ARFGEF2: variants seen among roughly 807,000 people sequenced by gnomAD.
ARFGEF2 encodes brefeldin A-inhibited guanine nucleotide-exchange protein 2.
Under a neutral mutation model 219.9 loss-of-function variants are expected in ARFGEF2, and 74 were observed. The ratio of observed to expected loss-of-function variants is 0.34; its 90% CI spans 0.28 to 0.41. The LOEUF is 0.41. ARFGEF2 is among the 10% of genes least tolerant of loss of function. ARFGEF2 has a pLI of 1.00. For synonymous variants in ARFGEF2, 733 were observed against 799.2 expected (o/e 0.92, Z 1.40); for missense variants, 1,743 against 2,218.3 (o/e 0.79, Z 4.30).
intron 1 of ARFGEF2, among the ~76,000 whole-genome samples, chr20:48,928,347 C>T (rs530775582): frequency 1.2e-3 from 168 of 145,126 alleles, no homozygotes; most frequent in Non-Finnish European, 2.2e-3. Context: ...TACAGGCGCC[C>T]GCTACCACGC....
intron 25 of ARFGEF2, among the ~76,000 whole-genome samples, chr20:49,001,509 C>T (rs557764379): frequency 9.2e-5 from 14 of 152,296 alleles, no homozygotes; most frequent in African/African-American, 3.4e-4. Context: ...ACATGATTCT[C>T]TTGAACTAGG....
At chr20:49,019,306 A>G (rs967694949) in intron 34 of ARFGEF2, among the ~76,000 whole-genome samples, 4 of 152,236 alleles carry the variant, frequency 2.6e-5, no homozygotes, top group Non-Finnish European at 5.9e-5. Flanking sequence ...ACACATACAT[A>G]TATAGTACAT....
intron 37 of ARFGEF2, among the ~76,000 whole-genome samples, chr20:49,029,943 T>C (rs1199323574): frequency 2.8e-5 from 4 of 142,660 alleles, no homozygotes; most frequent in Admixed American, 7.1e-5. Flanking sequence ...AGTCTTGCTC[T>C]GTCACTCAGG....
intron 16 of ARFGEF2, among the ~76,000 whole-genome samples, chr20:48,987,984 C>T (rs1331923886): frequency 6.6e-6 from 1 of 152,152 alleles, no homozygotes; most frequent in Non-Finnish European, 1.5e-5. Flanking sequence ...GATTGGGTTT[C>T]ACCATGTTGG....
At chr20:48,990,856 C>G (rs2091353536) in intron 20 of ARFGEF2, among the ~76,000 whole-genome samples, 184 bp from the exon 21 acceptor site, 1 of 152,156 alleles carries the variant, frequency 6.6e-6, no homozygotes, top group East Asian at 1.9e-4. Flanking sequence ...GCATAGATAC[C>G]TCTGCAAGAT....
chr20:48,921,777 C>G lies in ARFGEF2; in HGVS notation c.-113C>G, dbSNP rs912319402. On this transcript the variant is annotated 5_prime_UTR_variant, in exon 1 of 39. Coordinates refer to ENST00000371917, the MANE Select transcript of ARFGEF2 (RefSeq NM_006420.3). ...GCCGAGGTGTCGCTTCCTGACGGGGCGGCGCGGACGGACGCGGCCGGTGCC... is the reference window on the plus strand; with the variant it reads ...GCCGAGGTGTCGCTTCCTGACGGGGGGGCGCGGACGGACGCGGCCGGTGCC... 1.8e-6 allele frequency: 2 copies of G among 1,100,776 alleles called. No individual in the cohort carries two copies. The allele number at this position is 1,100,776 out of a possible 1,614,324, so 68.2% of individuals were successfully genotyped here. A position where few individuals can be genotyped will look rare whatever the true frequency, so the allele number is the denominator to read the frequency against.
At chr20:48,955,694 G>A (rs1199945353) in intron 6 of ARFGEF2, among the ~76,000 whole-genome samples, 1 of 152,198 alleles carries the variant, frequency 6.6e-6, no homozygotes, top group Non-Finnish European at 1.5e-5. Context: ...ACTTTCCCAG[G>A]AACATGGGAA....
At position 48,942,473 on chromosome 20, in the gene ARFGEF2, G is replaced by GTTT. The variant is rs58144046; in HGVS notation, c.276+511_276+513dup. ...TGGCTCAGCCTTTCTTTCTTACTTG[G>GTTT]TTTTTTTTTTTTTTTTTTTTTTTTT... On this transcript the variant is annotated intron_variant, in intron 3 of 38. Coordinates refer to ENST00000371917, the MANE Select transcript of ARFGEF2 (RefSeq NM_006420.3). Among the ~76,000 whole-genome samples, 17 of 73,496 alleles carry GTTT rather than the reference G, an allele frequency of 2.3e-4. 1 individual carries two copies. Among genetic ancestry groups the GTTT allele is most frequent in the Non-Finnish European group, 3.4e-4 (14 of 41,634 alleles). 48.2% of individuals were successfully genotyped at this position (73,496 alleles called of 152,430 possible). A position where few individuals can be genotyped will look rare whatever the true frequency, so the allele number is the denominator to read the frequency against.
intron 12 of ARFGEF2, among the ~76,000 whole-genome samples, chr20:48,974,111 AGT>A (rs1229231968): frequency 8.2e-6 from 1 of 121,258 alleles, no homozygotes; most frequent in African/African-American, 3.0e-5. Flanking sequence ...TTATTATTTG[AGT>A]GTGAATTTTT....
At position 48,976,067 on chromosome 20, in the gene ARFGEF2, T is replaced by C. The variant is rs2091259073; in HGVS notation, c.1826T>C (p.Met609Thr). The change falls in exon 14 of 39, where the codon ATG becomes ACG. Residue 609 changes from methionine to threonine, a missense_variant. Transcript: ENST00000371917. ...ATAGGGGATGGGAAAGGCCTTGACA[T>C]GGCAAGACGGTGTAGTGTGACGTCC... ...QEIGDGKGLD[M>T]ARRCSVTSME... 6.2e-7 allele frequency: 1 copy of C among 1,613,040 alleles called. No homozygotes were observed. Among genetic ancestry groups the C allele is most frequent in the Non-Finnish European group, 8.5e-7 (1 of 1,180,014 alleles).
rs1195585422 is a variant in ARFGEF2, at chr20:48,921,838, C to T, written c.-52C>T. The stretch of plus-strand genomic sequence containing the variant: ...CCGGGCCCGCAGCCTAGCTCGCCAT[C>T]TCGCTCACGCCGCCCGCCCGCGGGG... On this transcript the variant is annotated 5_prime_UTR_variant, in exon 1 of 39. Transcript: ENST00000371917. 14 of 1,459,724 alleles carry T rather than the reference C, an allele frequency of 9.6e-6. No homozygotes were observed. In the East Asian group the frequency reaches 1.2e-4, roughly 13 times the overall value. The allele number at this position is 1,459,724 out of a possible 1,614,324, so 90.4% of individuals were successfully genotyped here.
chr20:48,950,803 A>ATATATATATAT (rs1356880687), intron 3 of ARFGEF2, among the ~76,000 whole-genome samples: 1 of 39,664 alleles, frequency 2.5e-5, no homozygotes. Context: ...CTAAAAAAAA[A>ATATATATATAT]AAAAAAAAAT....
chr20:49,001,499 A>G (rs1016707391), intron 25 of ARFGEF2, among the ~76,000 whole-genome samples: 1 of 152,200 alleles, frequency 6.6e-6, no homozygotes, highest in Non-Finnish European at 1.5e-5. Context: ...TCGCACAGTC[A>G]CATGATTCTC....
intron 6 of ARFGEF2, among the ~76,000 whole-genome samples, chr20:48,963,492 A>G (rs1198852410): frequency 6.6e-6 from 1 of 151,928 alleles, no homozygotes; most frequent in Non-Finnish European, 1.5e-5. Context: ...TCTGCCAGGA[A>G]CTCTGGCTGG....
rs1341590236 is a variant in ARFGEF2 at position 49,016,638 on chromosome 20, A to C, written c.4315+223A>C. Among the ~76,000 whole-genome samples the C allele has an allele frequency of 2.0e-5, 3 of 152,334 alleles. No individual in the cohort carries two copies. The East Asian group carries it at 5.8e-4, about 29-fold the overall frequency. ...GATATAGTTATTTTTGTATTCTACA[A>C]GATGTACCTTCATGTATTATACTGT... On this transcript the variant is annotated intron_variant, in intron 31 of 38. Transcript: ENST00000371917.
chr20:49,023,319 G>GGCAT (rs2091578261), intron 35 of ARFGEF2, 138 bp downstream of exon 35: 1 of 1,211,838 alleles, frequency 8.3e-7, no homozygotes, highest in Non-Finnish European at 1.2e-6. Context: ...ATTCAGTGAT[G>GGCAT]GCATGTTGAT....
intron 14 of ARFGEF2, among the ~76,000 whole-genome samples, chr20:48,982,108 A>G (rs1196337305): frequency 6.6e-6 from 1 of 152,124 alleles, no homozygotes; most frequent in Non-Finnish European, 1.5e-5. Context: ...GTGTCTCCCC[A>G]TCTTTGTGGT....
At chr20:48,962,588 A>T (rs2091160621) in intron 6 of ARFGEF2, among the ~76,000 whole-genome samples, 1 of 152,232 alleles carries the variant, frequency 6.6e-6, no homozygotes, top group African/African-American at 2.4e-5. Flanking sequence ...AGTCTAAATC[A>T]TCCTTTTTAG....
intron 37 of ARFGEF2, among the ~76,000 whole-genome samples, chr20:49,031,248 T>G (rs113674248): frequency 1.0e-5 from 1 of 100,066 alleles, no homozygotes; most frequent in South Asian, 3.3e-4. Flanking sequence ...TTTTTTTTTT[T>G]TGAGATAGTC....
Sources: gnomAD v4.1 joint callset for allele counts (sites outside exome capture counted in the v4.1 genomes callset) on GRCh38, gnomAD v4.1.1 for gene constraint, MANE v1.5 for transcripts, NCBI Gene and HGNC (gene_info 2026-07-23, HGNC 2026-07-21) for gene names.